RASSF8: variants seen among roughly 807,000 people sequenced by gnomAD.
The protein encoded by RASSF8 is ras association domain-containing protein 8.
In RASSF8, 22 loss-of-function variants were observed where a neutral mutation model predicts 48.5. The ratio of observed to expected loss-of-function variants is 0.45; its 90% confidence interval spans 0.32 to 0.65. The LOEUF (loss-of-function observed/expected upper bound fraction) is 0.65, where lower values mean the gene tolerates loss of function less well. RASSF8 is among the 30% of genes least tolerant of loss of function. The pLI is 0.03. For missense variants in RASSF8, 418 were observed against 489.2 expected (o/e 0.85, Z 1.37); for synonymous variants, 127 against 171.5 (o/e 0.74, Z 2.03).
At chr12:26,025,340 G>A (rs956946012) in intron 2 of RASSF8, among the ~76,000 whole-genome samples, 1 of 151,794 alleles carries the variant, frequency 6.6e-6, no homozygotes, top group Non-Finnish European at 1.5e-5. Flanking sequence ...GGCAGATCAC[G>A]AGGTCAGGAG....
intron 3 of RASSF8, among the ~76,000 whole-genome samples, chr12:26,062,874 G>A (rs143287306): frequency 1.3e-5 from 2 of 152,194 alleles, no homozygotes; most frequent in East Asian, 1.9e-4. Context: ...GTTTTAGAAG[G>A]GAAGTTGTGC....
At chr12:26,078,680 A>G (rs1944091334) in intron 5 of RASSF8, among the ~76,000 whole-genome samples, 1 of 152,256 alleles carries the variant, frequency 6.6e-6, no homozygotes, top group South Asian at 2.1e-4. Flanking sequence ...ATGTCCTTCT[A>G]TGAATAGACA....
At chr12:25,978,270 C>T (rs190866413) in intron 1 of RASSF8, among the ~76,000 whole-genome samples, 288 of 152,206 alleles carry the variant, frequency 1.9e-3, no homozygotes, top group Non-Finnish European at 2.5e-3. Context: ...TATTTTTAAG[C>T]GCCTAAATGA....
At position 26,058,432 on chromosome 12, in the gene RASSF8, G is replaced by A. The variant is rs190221314; in HGVS notation, c.103+2986G>A. On this transcript the variant is annotated intron_variant, in intron 3 of 5. Coordinates refer to ENST00000689635, the MANE Select transcript of RASSF8 (RefSeq NM_001394098.1). ...GCATGGACTGATGACCAGAACCACA[G>A]GTGGCTGTCAAGAATGTATAGTGAA... 2.1e-3 allele frequency among the ~76,000 whole-genome samples: 320 copies of A among 152,312 alleles called. 1 individual carries two copies. The highest frequency in any genetic ancestry group is 7.5e-3 in the African/African-American group (310 of 41,564).
chr12:26,011,626 G>T, intron 2 of RASSF8: 1 of 152,288 alleles, frequency 6.6e-6, no homozygotes. Flanking sequence ...ATTAGGTCAT[G>T]GGGAGTCATG....
chr12:25,993,629 C>T (rs930537555), intron 1 of RASSF8, among the ~76,000 whole-genome samples: 1 of 152,116 alleles, frequency 6.6e-6, no homozygotes, highest in Non-Finnish European at 1.5e-5. Flanking sequence ...GCAGGGTTGA[C>T]CCTTCATTGC....
Position 25,998,523 on chromosome 12 carries a change from A to G in RASSF8, c.-109+3393A>G, listed in dbSNP as rs140079949. 2.7e-4 allele frequency among the ~76,000 whole-genome samples: 41 copies of G among 151,804 alleles called. 1 individual carries two copies. The highest frequency in any genetic ancestry group is 8.9e-4 in the African/African-American group (37 of 41,396). On this transcript the variant is annotated intron_variant, in intron 2 of 5. Transcript: ENST00000689635. Reference sequence around the variant, plus strand: ...CATCACCACTCCTGGCTAATTTTGTATTTTTATTACAGACGGGGTTACACC... The same window carrying G: ...CATCACCACTCCTGGCTAATTTTGTGTTTTTATTACAGACGGGGTTACACC...
chr12:26,018,102 G>A (rs1485219178), intron 2 of RASSF8, among the ~76,000 whole-genome samples: 1 of 142,780 alleles, frequency 7.0e-6, no homozygotes, highest in South Asian at 2.3e-4. Context: ...TTTCATTGGA[G>A]GATATCTGTA....
At chr12:26,036,921 AAT>A (rs1592294072) in intron 2 of RASSF8, among the ~76,000 whole-genome samples, 3 of 152,174 alleles carry the variant, frequency 2.0e-5, no homozygotes, top group East Asian at 1.9e-4. Flanking sequence ...ATCACAAAAA[AAT>A]AAAAAAAAAA....
At chr12:25,966,194 C>G (rs1156441028) in intron 1 of RASSF8, among the ~76,000 whole-genome samples, 1 of 152,172 alleles carries the variant, frequency 6.6e-6, no homozygotes, top group Non-Finnish European at 1.5e-5. Context: ...CTTGTCAACA[C>G]TTGGCATAGT....
At chr12:26,057,181 T>C (rs1457740639) in intron 3 of RASSF8, among the ~76,000 whole-genome samples, 1 of 151,806 alleles carries the variant, frequency 6.6e-6, no homozygotes, top group Non-Finnish European at 1.5e-5. Flanking sequence ...GTGCACAACA[T>C]GCAGGTTTGT....
chr12:26,053,545 A>G (rs1274031806), intron 2 of RASSF8, among the ~76,000 whole-genome samples: 1 of 152,200 alleles, frequency 6.6e-6, no homozygotes, highest in Non-Finnish European at 1.5e-5. Context: ...TAGAGTGCAC[A>G]CCAGCCTATT....
intron 1 of RASSF8, among the ~76,000 whole-genome samples, chr12:25,993,620 C>T (rs1470690691): frequency 6.6e-6 from 1 of 152,184 alleles, no homozygotes; most frequent in African/African-American, 2.4e-5. Context: ...TCTTTCGCAG[C>T]AGGGTTGACC....
intron 2 of RASSF8, among the ~76,000 whole-genome samples, chr12:25,998,761 G>A (rs1942189613): frequency 6.6e-6 from 1 of 151,894 alleles, no homozygotes. Flanking sequence ...GAAATAAGGT[G>A]GTAAGAGTGA....
Position 26,070,561 on chromosome 12 carries a change from C to T in RASSF8, c.*1743C>T. The stretch of plus-strand genomic sequence containing the variant: ...CTTACCTAAATAACCACAACCTGTA[C>T]ACATTTGCTCACAATTTATAGTAGT... On this transcript the variant is annotated 3_prime_UTR_variant, in exon 6 of 6. Transcript: ENST00000689635. 1.0e-6 allele frequency: 1 copy of T among 977,798 alleles called. No homozygotes were observed. Among genetic ancestry groups the T allele is most frequent in the Non-Finnish European group, 1.2e-6 (1 of 823,046 alleles). The allele number at this position is 977,798 out of a possible 1,614,324, so 60.6% of individuals were successfully genotyped here. A position where few individuals can be genotyped will look rare whatever the true frequency, so the allele number is the denominator to read the frequency against.
In RASSF8 at chr12:26,018,256, A is replaced by G. The variant is rs1040442006; in HGVS notation, c.-109+23126A>G. Among the ~76,000 whole-genome samples the G allele has an allele frequency of 6.6e-5, 10 of 152,296 alleles. No homozygotes were observed. The South Asian group carries it at 1.5e-3, about 22-fold the overall frequency. ...TTTAAATGCTATGCAAGTCATTTAAATTTGTGTAGCAAATTTAGCAAATTT... is the reference window on the plus strand; with the variant it reads ...TTTAAATGCTATGCAAGTCATTTAAGTTTGTGTAGCAAATTTAGCAAATTT... On this transcript the variant is annotated intron_variant, in intron 2 of 5. Transcript: ENST00000689635.
intron 1 of RASSF8, among the ~76,000 whole-genome samples, chr12:25,990,802 C>T (rs2136944598): frequency 6.6e-6 from 1 of 152,294 alleles, no homozygotes; most frequent in South Asian, 2.1e-4. Flanking sequence ...TGTGGATACA[C>T]AGGGATATCA....
intron 2 of RASSF8, among the ~76,000 whole-genome samples, chr12:26,035,469 T>TATAATATAAGTATATGAAATTATATA (rs1252227237): frequency 8.2e-5 from 9 of 109,668 alleles, no homozygotes; most frequent in Admixed American, 2.1e-4. Flanking sequence ...TATATAATTA[T>TATAATATAAGTATATGAAATTATATA]ATTATATAAT....
intron 2 of RASSF8, among the ~76,000 whole-genome samples, chr12:26,039,485 G>A (rs1225660707): frequency 1.3e-5 from 2 of 151,868 alleles, no homozygotes. Flanking sequence ...TGGGGGCGGG[G>A]GTCGGTGTTG....
Sources: allele counts gnomAD v4.1 joint callset (sites outside exome capture counted in the v4.1 genomes callset), GRCh38; gene constraint gnomAD v4.1.1; transcripts MANE v1.5; gene names NCBI Gene and HGNC (gene_info 2026-07-23, HGNC 2026-07-21).